Variants in MBTPS1 observed in about 807,000 individuals in gnomAD.
The protein encoded by MBTPS1 is membrane bound transcription factor peptidase, site 1.
MBTPS1 carries 94 observed loss-of-function variants against 127.8 expected under a neutral mutation model. The ratio of observed to expected loss-of-function variants is 0.74; its 90% CI spans 0.62 to 0.87. The LOEUF (loss-of-function observed/expected upper bound fraction) is 0.87. MBTPS1 is among the 40% of genes least tolerant of loss of function. MBTPS1 has a pLI of 0.00. For missense variants in MBTPS1, 1,636 were observed against 1,353.2 expected, an observed-to-expected ratio of 1.21 and a Z score of -3.28; for synonymous variants, 632 against 509.4, an observed-to-expected ratio of 1.24 and a Z score of -3.24.
At chr16:84,058,226 C>G (rs116544621) in intron 21 of MBTPS1, among the ~76,000 whole-genome samples, 1 of 152,224 alleles carries the variant, frequency 6.6e-6, no homozygotes, top group Non-Finnish European at 1.5e-5. Context: ...ACGGTCAGTG[C>G]GTGGTGTGTT....
chr16:84,071,955 A>C (rs1279154588), intron 12 of MBTPS1: 1 of 152,254 alleles, frequency 6.6e-6, no homozygotes, highest in African/African-American at 2.4e-5. Flanking sequence ...CAGAATTCGT[A>C]AACACAACCA....
chr16:84,062,798 C>T (rs554363661), intron 19 of MBTPS1, among the ~76,000 whole-genome samples: 1 of 152,314 alleles, frequency 6.6e-6, no homozygotes, highest in African/African-American at 2.4e-5. Context: ...TATTTGCCTC[C>T]CCTTCACGCC....
intron 19 of MBTPS1, among the ~76,000 whole-genome samples, chr16:84,062,407 C>T (rs1251981415): frequency 6.6e-6 from 1 of 152,234 alleles, no homozygotes; most frequent in East Asian, 1.9e-4. Context: ...GCGTGAGCCA[C>T]CGCGCCCGGC....
At chr16:84,079,871 G>C (rs374537924) in intron 11 of MBTPS1, among the ~76,000 whole-genome samples, 1 of 152,218 alleles carries the variant, frequency 6.6e-6, no homozygotes, top group South Asian at 2.1e-4. Context: ...GTGTCCACAC[G>C]TTGCCTAGCT....
At chr16:84,085,372 G>C (rs1441760375) in intron 9 of MBTPS1, among the ~76,000 whole-genome samples, 1 of 152,114 alleles carries the variant, frequency 6.6e-6, no homozygotes. Context: ...TTCCAGACTA[G>C]CCTGGGCTAC....
intron 4 of MBTPS1, among the ~76,000 whole-genome samples, chr16:84,094,857 G>A (rs1039828216): frequency 6.6e-6 from 1 of 152,130 alleles, no homozygotes; most frequent in Non-Finnish European, 1.5e-5. Flanking sequence ...GGAGGGCAGG[G>A]CGCCAAGGAG....
At chr16:84,090,970 A>G in intron 7 of MBTPS1, 28 bp from the exon 8 acceptor site, 3 of 1,461,854 alleles carry the variant, frequency 2.1e-6, no homozygotes, top group Non-Finnish European at 2.9e-6. Flanking sequence ...ATTTAATGAA[A>G]GTATCCCTTT....
At chr16:84,057,615 A>C (rs1317855108) in intron 21 of MBTPS1, 1 of 152,232 alleles carries the variant, frequency 6.6e-6, no homozygotes, top group Non-Finnish European at 1.5e-5. Context: ...TGCCCCCAGC[A>C]CTGGGCTGAC....
chr16:84,059,852 T>G (rs1442396365), intron 20 of MBTPS1: 2 of 156,240 alleles, frequency 1.3e-5, no homozygotes, highest in Non-Finnish European at 2.8e-5. Flanking sequence ...TTCTATTTCT[T>G]AGATCTGCAC....
At chr16:84,113,786 G>T (rs2086430874) in intron 1 of MBTPS1, among the ~76,000 whole-genome samples, 1 of 152,192 alleles carries the variant, frequency 6.6e-6, no homozygotes, top group Non-Finnish European at 1.5e-5. Flanking sequence ...CTCCAAAGGA[G>T]ACTGAATTGT....
At position 84,074,672 on chromosome 16, in the gene MBTPS1, G is replaced by A. The variant is rs367848010; in HGVS notation, c.1518C>T (p.Tyr506=). Residue 506 remains tyrosine (Y), a synonymous_variant, in exon 12 of 23, where the codon TAC becomes TAT. Coordinates refer to ENST00000343411, the MANE Select transcript of MBTPS1 (RefSeq NM_003791.4). ...YMWPYCSQPI[Y]YGGMPTVVNV... The stretch of plus-strand genomic sequence containing the variant: ...TAACAACTGTCGGCATTCCTCCATA[G>A]TAGATGGGCTGGGAGCAGTAGGGCC... The A allele has an allele frequency of 6.2e-7, 1 of 1,614,000 alleles. No homozygotes were observed. Among genetic ancestry groups the A allele is most frequent in the African/African-American group, 1.3e-5 (1 of 74,936 alleles).
intron 8 of MBTPS1, among the ~76,000 whole-genome samples, chr16:84,090,137 C>T (rs549028665): frequency 4.6e-5 from 7 of 152,112 alleles, no homozygotes; most frequent in African/African-American, 9.6e-5. Flanking sequence ...TTGTCTTATG[C>T]CCTGGATTTG....
chr16:84,098,888 A>G (rs68144045), intron 3 of MBTPS1, among the ~76,000 whole-genome samples, 165 bp downstream of exon 3: 41,398 of 151,894 alleles, frequency 0.27, 5,661 homozygotes, highest in Middle Eastern at 0.32. Flanking sequence ...GACCCTGCGC[A>G]CTAAACAAAA....
intron 1 of MBTPS1, among the ~76,000 whole-genome samples, chr16:84,111,265 C>T (rs1473649019): frequency 6.6e-6 from 1 of 152,200 alleles, no homozygotes; most frequent in Non-Finnish European, 1.5e-5. Context: ...GCTGGCTGGG[C>T]ACAGTGGCTC....
chr16:84,094,542 T>C (rs982927045), intron 4 of MBTPS1, among the ~76,000 whole-genome samples: 1 of 152,208 alleles, frequency 6.6e-6, no homozygotes, highest in Non-Finnish European at 1.5e-5. Flanking sequence ...AATACCTATA[T>C]GACTTAACAG....
In MBTPS1 at chr16:84,116,839, A is replaced by G. The variant is rs1457738596; in HGVS notation, c.-429T>C. On this transcript the variant is annotated 5_prime_UTR_variant, in exon 1 of 23. Coordinates refer to ENST00000343411, the MANE Select transcript of MBTPS1 (RefSeq NM_003791.4). ...GGGCTGTTTACTCCCAACTCTCGCG[A>G]GACTGGGCGACCGGGCCAGCGAGGC... The G allele has an allele frequency of 2.6e-5, 4 of 152,302 alleles. No individual in the cohort carries two copies. The East Asian group carries it at 7.7e-4, about 29-fold the overall frequency. The allele number at this position is 152,302 out of a possible 1,614,324, so 9.4% of individuals were successfully genotyped here.
In MBTPS1 at chr16:84,066,692, ACT is replaced by A. The variant is rs1233097078; in HGVS notation, c.2229-81_2229-80del. The A allele has an allele frequency of 1.3e-4, 175 of 1,362,296 alleles. 1 individual carries two copies. The highest frequency in any genetic ancestry group is 6.0e-6 in the Non-Finnish European group (6 of 995,488). 84.4% of individuals were successfully genotyped at this position (1,362,296 alleles called of 1,614,324 possible). On this transcript the variant is annotated intron_variant, in intron 16 of 22. Transcript: ENST00000343411. ...ACAGTTATTTAGTCTCTGTGACAAAACTCAATTTCTCCTGCCACAATCCAGTC... is the reference window on the plus strand; with the variant it reads ...ACAGTTATTTAGTCTCTGTGACAAAACAATTTCTCCTGCCACAATCCAGTC...
chr16:84,070,380 G>C lies in MBTPS1; in HGVS notation c.1782+208C>G, dbSNP rs372354583. Among the ~76,000 whole-genome samples, 67 of 152,320 alleles carry C rather than the reference G, an allele frequency of 4.4e-4. 2 individuals are homozygous for C. In the South Asian group the frequency reaches 0.013, roughly 31 times the overall value. On this transcript the variant is annotated intron_variant, in intron 13 of 22. Coordinates refer to ENST00000343411, the MANE Select transcript of MBTPS1 (RefSeq NM_003791.4). ...TCTTCTCTGCTGTTGTGTGGCCACA[G>C]AACGGCAAGCCCTAGCACTCACTGA...
chr16:84,059,725 G>A (rs564574299), intron 20 of MBTPS1: 15 of 210,574 alleles, frequency 7.1e-5, no homozygotes, highest in Admixed American at 6.6e-4. Context: ...ACTGACACAC[G>A]CAAGGCTACA....
Sources: allele counts gnomAD v4.1 joint callset (sites outside exome capture counted in the v4.1 genomes callset), GRCh38; gene constraint gnomAD v4.1.1; transcripts MANE v1.5; gene names NCBI Gene and HGNC (gene_info 2026-07-23, HGNC 2026-07-21).